The following FOXP1 variants were observed in gnomAD, a reference collection of about 807,000 sequenced individuals.
FOXP1 encodes forkhead box protein P1.
FOXP1 carries 15 observed loss-of-function variants against 98.2 expected under a neutral mutation model. The ratio of observed to expected loss-of-function variants is 0.15; its 90% CI spans 0.10 to 0.24. The LOEUF (loss-of-function observed/expected upper bound fraction) is 0.24, where lower values mean the gene tolerates loss of function less well. FOXP1 is among the 10% of genes least tolerant of loss of function. The pLI, the probability that FOXP1 is intolerant of heterozygous loss-of-function variation, is 1.00. For missense variants in FOXP1, 633 were observed against 848.5 expected, an observed-to-expected ratio of 0.75 and a Z score of 3.15; for synonymous variants, 371 against 314.5, an observed-to-expected ratio of 1.18 and a Z score of -1.90.
chr3:71,117,521 T>C (rs1236333985), intron 6 of FOXP1, among the ~76,000 whole-genome samples: 1 of 152,144 alleles, frequency 6.6e-6, no homozygotes, highest in African/African-American at 2.4e-5. Context: ...GGATACAGAA[T>C]GCGTGTGAAT....
intron 4 of FOXP1, among the ~76,000 whole-genome samples, chr3:71,314,114 T>C (rs1229452775): frequency 6.6e-6 from 1 of 152,196 alleles, no homozygotes; most frequent in African/African-American, 2.4e-5. Context: ...CTTAGAATAG[T>C]GTATGGCACA....
chr3:71,047,705 G>A (rs933237478), intron 9 of FOXP1, among the ~76,000 whole-genome samples: 1 of 152,038 alleles, frequency 6.6e-6, no homozygotes, highest in African/African-American at 2.4e-5. Context: ...AAACAACATC[G>A]TACTCGACTG....
chr3:71,145,086 T>C (rs1287860462), intron 6 of FOXP1, among the ~76,000 whole-genome samples: 1 of 152,204 alleles, frequency 6.6e-6, no homozygotes, highest in East Asian at 1.9e-4. Flanking sequence ...CAGTGAAGCA[T>C]GTCCAGGTTG....
At chr3:71,290,188 G>C (rs1226550056) in intron 5 of FOXP1, among the ~76,000 whole-genome samples, 1 of 152,072 alleles carries the variant, frequency 6.6e-6, no homozygotes, top group Non-Finnish European at 1.5e-5. Context: ...CCACTGTCTT[G>C]CTGTATTTTA....
intron 3 of FOXP1, among the ~76,000 whole-genome samples, chr3:71,477,570 T>G (rs2089952459): frequency 1.3e-5 from 2 of 152,222 alleles, no homozygotes; most frequent in African/African-American, 4.8e-5. Flanking sequence ...TTCTGAACTG[T>G]ATAAAACCAT....
chr3:71,429,291 G>A (rs530314013), intron 3 of FOXP1, among the ~76,000 whole-genome samples: 1 of 152,198 alleles, frequency 6.6e-6, no homozygotes, highest in Admixed American at 6.5e-5. Context: ...TTTTGGTGAA[G>A]TGTGGGGAGG....
At chr3:71,556,064 G>T (rs934114635) in intron 2 of FOXP1, among the ~76,000 whole-genome samples, 1 of 151,908 alleles carries the variant, frequency 6.6e-6, no homozygotes, top group Non-Finnish European at 1.5e-5. Flanking sequence ...ATAAAAATTG[G>T]GGTAATTTTC....
chr3:71,160,213 A>G (rs1243142621), intron 6 of FOXP1, among the ~76,000 whole-genome samples: 1 of 151,678 alleles, frequency 6.6e-6, no homozygotes, highest in Admixed American at 6.6e-5. Flanking sequence ...ACTTGGGCCT[A>G]TTGGGGTTTT....
At chr3:71,328,564 C>A (rs779596286) in intron 4 of FOXP1, among the ~76,000 whole-genome samples, 1 of 152,200 alleles carries the variant, frequency 6.6e-6, no homozygotes, top group South Asian at 2.1e-4. Context: ...TACATTTCTG[C>A]CCATTTGGCA....
At chr3:71,436,540 T>A (rs1301489165) in intron 3 of FOXP1, among the ~76,000 whole-genome samples, 1 of 152,152 alleles carries the variant, frequency 6.6e-6, no homozygotes, top group African/African-American at 2.4e-5. Context: ...ATCCTAGTTT[T>A]AGAGTCATAA....
Position 71,165,886 on chromosome 3 carries a change from C to T in FOXP1, c.180+32316G>A, listed in dbSNP as rs939729734. Reference sequence around the variant, plus strand: ...GTAGAATGAGAAGCAACGTGATCATCAAGTAACTGTGTTGCTGGTGGTAAC... The same window carrying T: ...GTAGAATGAGAAGCAACGTGATCATTAAGTAACTGTGTTGCTGGTGGTAAC... On this transcript the variant is annotated intron_variant, in intron 6 of 20. Transcript: ENST00000649528. Among the ~76,000 whole-genome samples the T allele has an allele frequency of 2.6e-5, 4 of 152,182 alleles. No individual in the cohort carries two copies. The East Asian group carries it at 5.8e-4, about 22-fold the overall frequency.
At chr3:71,098,806 G>A (rs553204395) in intron 7 of FOXP1, among the ~76,000 whole-genome samples, 2 of 152,246 alleles carry the variant, frequency 1.3e-5, no homozygotes, top group South Asian at 2.1e-4. Flanking sequence ...TGGAAGACAA[G>A]AACAAAAGAA....
At chr3:71,182,058 AAAAG>A (rs2108286190) in intron 6 of FOXP1, among the ~76,000 whole-genome samples, 1 of 147,852 alleles carries the variant, frequency 6.8e-6, no homozygotes, top group African/African-American at 2.5e-5. Context: ...AAAAGAAAAA[AAAAG>A]AAAAAGAAAA....
intron 18 of FOXP1, chr3:70,972,162 G>A: frequency 3.9e-6 from 6 of 1,528,946 alleles, no homozygotes; most frequent in Non-Finnish European, 5.2e-6. Flanking sequence ...TGCAGTGAGA[G>A]GTTGGTGCGA....
Position 71,052,527 on chromosome 3 carries a change from T to C in FOXP1, c.510+10A>G, listed in dbSNP as rs759384820. On this transcript the variant is annotated intron_variant, in intron 9 of 20. Coordinates refer to ENST00000649528, the MANE Select transcript of FOXP1 (RefSeq NM_001349338.3). Reference sequence around the variant, plus strand: ...CTGTGGTTTGAAAGTAAAATATGTATTGTCGGTACCTCTTTAGGCTGTTTT... The same window carrying C: ...CTGTGGTTTGAAAGTAAAATATGTACTGTCGGTACCTCTTTAGGCTGTTTT... The C allele has an allele frequency of 1.7e-5, 18 of 1,072,066 alleles. No individual in the cohort carries two copies. The highest frequency in any genetic ancestry group is 2.3e-5 in the Non-Finnish European group (16 of 684,108). The allele number at this position is 1,072,066 out of a possible 1,614,324, so 66.4% of individuals were successfully genotyped here. A position where few individuals can be genotyped will look rare whatever the true frequency, so the allele number is the denominator to read the frequency against.
chr3:71,515,459 C>T (rs1448302453), intron 2 of FOXP1, among the ~76,000 whole-genome samples: 2 of 138,846 alleles, frequency 1.4e-5, no homozygotes, highest in Non-Finnish European at 3.1e-5. Context: ...AAAAACTGCA[C>T]ATTTATACAG....
At chr3:71,547,980 G>A (rs573272143) in intron 2 of FOXP1, among the ~76,000 whole-genome samples, 1 of 152,326 alleles carries the variant, frequency 6.6e-6, no homozygotes, top group South Asian at 2.1e-4. Flanking sequence ...AGTACAAACA[G>A]TCAATTTCAT....
intron 2 of FOXP1, among the ~76,000 whole-genome samples, chr3:71,521,094 A>G (rs1353101582): frequency 6.6e-6 from 1 of 152,204 alleles, no homozygotes; most frequent in African/African-American, 2.4e-5. Context: ...AAAATGCAGG[A>G]AAGTCAAGGC....
intron 7 of FOXP1, among the ~76,000 whole-genome samples, chr3:71,095,099 C>T (rs777381661): frequency 1.3e-5 from 2 of 152,234 alleles, no homozygotes; most frequent in African/African-American, 2.4e-5. Flanking sequence ...AATAGAGCTG[C>T]GTAGGCAGCG....
Sources: gnomAD v4.1 joint callset for allele counts (sites outside exome capture counted in the v4.1 genomes callset) on GRCh38, gnomAD v4.1.1 for gene constraint, MANE v1.5 for transcripts, NCBI Gene and HGNC (gene_info 2026-07-23, HGNC 2026-07-21) for gene names.